The following ATE1 variants were observed in gnomAD, a reference collection of about 807,000 sequenced individuals.
ATE1 encodes arginyl-tRNA--protein transferase 1.
A neutral mutation model predicts 70.5 loss-of-function variants in ATE1; 36 were observed. That is an observed-to-expected ratio of 0.51 (90% CI 0.39 to 0.67). ATE1 has a LOEUF of 0.67. Ranked by LOEUF, ATE1 falls within the 30% of genes least tolerant of loss-of-function variation. ATE1 has a pLI of 0.00. For synonymous variants in ATE1, 232 were observed against 219.3 expected (o/e 1.06, Z -0.51); for missense variants, 593 against 629.5 (o/e 0.94, Z 0.62).
At chr10:121,746,033 T>C (rs890260210) in intron 11 of ATE1, among the ~76,000 whole-genome samples, 2 of 152,234 alleles carry the variant, frequency 1.3e-5, no homozygotes, top group African/African-American at 2.4e-5. Flanking sequence ...AGCCTGTTAA[T>C]AGAACGTATT....
chr10:121,927,575 A>G, intron 1 of ATE1: 2 of 978,140 alleles, frequency 2.0e-6, no homozygotes, highest in Non-Finnish European at 2.4e-6. Flanking sequence ...ACCTCACACA[A>G]TCTACCCCAG....
intron 8 of ATE1, 56 bp downstream of exon 8, chr10:121,869,950 T>A (rs1949793161): frequency 6.1e-6 from 9 of 1,465,346 alleles, no homozygotes; most frequent in Non-Finnish European, 9.5e-7. Flanking sequence ...ATGAAAGATA[T>A]CAACAATGGT....
chr10:121,746,747 G>A (rs1216580302), intron 11 of ATE1, among the ~76,000 whole-genome samples: 1 of 125,536 alleles, frequency 8.0e-6, no homozygotes, highest in Non-Finnish European at 1.7e-5. Flanking sequence ...CCCTTATTTT[G>A]TAATTGTAGC....
chr10:121,799,480 C>T (rs1946791852), intron 10 of ATE1, among the ~76,000 whole-genome samples: 1 of 151,930 alleles, frequency 6.6e-6, no homozygotes, highest in South Asian at 2.1e-4. Flanking sequence ...AAATACAGAT[C>T]CAAGACCCAT....
intron 11 of ATE1, among the ~76,000 whole-genome samples, chr10:121,755,501 T>A (rs2135740110): frequency 6.6e-6 from 1 of 152,322 alleles, no homozygotes; most frequent in Admixed American, 6.5e-5. Context: ...CCTGTAAATT[T>A]GAAATTTAAA....
At chr10:121,852,062 G>C (rs1949075837) in intron 8 of ATE1, among the ~76,000 whole-genome samples, 1 of 152,208 alleles carries the variant, frequency 6.6e-6, no homozygotes, top group Non-Finnish European at 1.5e-5. Flanking sequence ...GCTATGCCCA[G>C]AACACAGTGA....
intron 7 of ATE1, among the ~76,000 whole-genome samples, chr10:121,870,279 G>A (rs1365470009): frequency 6.6e-6 from 1 of 152,058 alleles, no homozygotes; most frequent in Non-Finnish European, 1.5e-5. Flanking sequence ...CTATATAAAA[G>A]CACATAAAGC....
At chr10:121,852,871 GTTA>G (rs1227675987) in intron 8 of ATE1, among the ~76,000 whole-genome samples, 2 of 152,112 alleles carry the variant, frequency 1.3e-5, no homozygotes, top group African/African-American at 4.8e-5. Context: ...AATGCTCACT[GTTA>G]AAATGGCACA....
intron 10 of ATE1, among the ~76,000 whole-genome samples, chr10:121,812,712 C>T (rs767196169): frequency 1.2e-4 from 19 of 152,192 alleles, no homozygotes; most frequent in Non-Finnish European, 2.6e-4. Flanking sequence ...CTTCTCTTCC[C>T]TCCTTCACTA....
chr10:121,841,144 A>G lies in ATE1; in HGVS notation c.1095T>C (p.Ser365=), dbSNP rs919933515. ...AATCAGGATCGTAGTACAAATACAC[A>G]GATGATACACAGTTTGGGAGGATGT... ...VIDILPNCVS[S]VYLYYDPDYS... Residue 365 remains serine (S), a synonymous_variant, in exon 9 of 12, where the codon TCT becomes TCC. Coordinates refer to ENST00000224652, the MANE Select transcript of ATE1 (RefSeq NM_001001976.3). The G allele has an allele frequency of 1.3e-6, 2 of 1,594,020 alleles. No individual in the cohort carries two copies. Among genetic ancestry groups the G allele is most frequent in the Non-Finnish European group, 1.7e-6 (2 of 1,167,484 alleles).
chr10:121,863,599 C>T (rs1949555326), intron 8 of ATE1, among the ~76,000 whole-genome samples: 1 of 151,946 alleles, frequency 6.6e-6, no homozygotes, highest in Non-Finnish European at 1.5e-5. Context: ...ACTTAAAATT[C>T]TTAAGTTTTT....
intron 7 of ATE1, among the ~76,000 whole-genome samples, chr10:121,885,542 C>G (rs1458476071): frequency 7.8e-6 from 1 of 127,886 alleles, no homozygotes; most frequent in Non-Finnish European, 1.6e-5. Flanking sequence ...TGCACTCCAG[C>G]CTGGGTGACA....
intron 11 of ATE1, among the ~76,000 whole-genome samples, chr10:121,761,962 C>T (rs1000894876): frequency 6.6e-6 from 1 of 152,192 alleles, no homozygotes; most frequent in African/African-American, 2.4e-5. Flanking sequence ...CTCTAAAGAG[C>T]ATTTACTTAA....
intron 10 of ATE1, among the ~76,000 whole-genome samples, chr10:121,813,460 G>A (rs1947407871): frequency 6.6e-6 from 1 of 152,222 alleles, no homozygotes; most frequent in South Asian, 2.1e-4. Flanking sequence ...CTAGTGGATA[G>A]AGAAAAAGTT....
intron 7 of ATE1, chr10:121,899,034 T>A: frequency 1.3e-6 from 2 of 1,560,630 alleles, no homozygotes; most frequent in South Asian, 2.4e-5. Flanking sequence ...CTTCTGAAGG[T>A]GAGGCTACAG....
At chr10:121,758,442 C>CT (rs1478735551) in intron 11 of ATE1, among the ~76,000 whole-genome samples, 1 of 152,132 alleles carries the variant, frequency 6.6e-6, no homozygotes, top group Non-Finnish European at 1.5e-5. Context: ...CTAAAAATAC[C>CT]TTTAAGTAGC....
intron 7 of ATE1, among the ~76,000 whole-genome samples, chr10:121,885,887 G>GA (rs1291878130): frequency 1.3e-5 from 2 of 152,046 alleles, no homozygotes; most frequent in Non-Finnish European, 2.9e-5. Flanking sequence ...GCAACAGAGG[G>GA]AAAGACTGTC....
chr10:121,804,820 C>A (rs1381930958), intron 10 of ATE1, among the ~76,000 whole-genome samples: 1 of 151,464 alleles, frequency 6.6e-6, no homozygotes, highest in Non-Finnish European at 1.5e-5. Context: ...AAACTGTCCA[C>A]ATTTTGGCCA....
At chr10:121,778,254 G>A (rs1230423728) in intron 11 of ATE1, among the ~76,000 whole-genome samples, 1 of 152,124 alleles carries the variant, frequency 6.6e-6, no homozygotes, top group Non-Finnish European at 1.5e-5. Flanking sequence ...TCTTTTAGTG[G>A]GGTATGAAAT....
Sources: gnomAD v4.1 joint callset for allele counts (sites outside exome capture counted in the v4.1 genomes callset) on GRCh38, gnomAD v4.1.1 for gene constraint, MANE v1.5 for transcripts, NCBI Gene and HGNC (gene_info 2026-07-23, HGNC 2026-07-21) for gene names.